The following NDUFAF6 variants were observed in gnomAD, a reference collection of about 807,000 sequenced individuals.
The protein encoded by NDUFAF6 is NADH:ubiquinone oxidoreductase complex assembly factor 6, also known as NADH dehydrogenase (ubiquinone) complex I, assembly factor 6.
NDUFAF6 carries 45 observed loss-of-function variants against 40.8 expected under a neutral mutation model. The observed-to-expected ratio is 1.10, with a 90% CI of 0.87 to 1.42. NDUFAF6 has a LOEUF of 1.42. NDUFAF6 is among the 40% of genes most tolerant of loss of function. The pLI is 0.00. For missense variants in NDUFAF6, 435 were observed against 418.5 expected, an observed-to-expected ratio of 1.04 and a Z score of -0.34; for synonymous variants, 185 against 155.9, an observed-to-expected ratio of 1.19 and a Z score of -1.39.
chr8:95,020,633 C>G (rs1338124964), upstream of NDUFAF6, among the ~76,000 whole-genome samples: 2 of 152,216 alleles, frequency 1.3e-5, no homozygotes, highest in Non-Finnish European at 2.9e-5. Context: ...CACTGCATAA[C>G]CTGGTGTCTT....
At chr8:94,971,159 A>T (rs931574514) in intron 1 of NDUFAF6, among the ~76,000 whole-genome samples, 3 of 152,356 alleles carry the variant, frequency 2.0e-5, no homozygotes, top group African/African-American at 7.2e-5. Flanking sequence ...AAATGAACAC[A>T]CCTGCAAGGT....
chr8:95,043,046 A>G (rs373175126), intron 4 of NDUFAF6, among the ~76,000 whole-genome samples: 7 of 151,838 alleles, frequency 4.6e-5, no homozygotes, highest in East Asian at 1.9e-4. Context: ...GGGAAAGCAT[A>G]GGTGTAAATC....
intron 3 of NDUFAF6, 45 bp downstream of exon 3, chr8:95,035,621 C>G (rs750232311): frequency 2.6e-6 from 4 of 1,568,162 alleles, no homozygotes; most frequent in African/African-American, 2.7e-5. Context: ...GAATATTATT[C>G]GAGTCTACTT....
At chr8:95,007,037 C>T (rs911096379) in intron 2 of NDUFAF6, among the ~76,000 whole-genome samples, 3 of 150,196 alleles carry the variant, frequency 2.0e-5, no homozygotes, top group African/African-American at 4.9e-5. Context: ...TGCAAACATA[C>T]AACTTATTCT....
chr8:94,897,903 G>A (rs1817755388), intron 1 of NDUFAF6, among the ~76,000 whole-genome samples: 1 of 152,004 alleles, frequency 6.6e-6, no homozygotes, highest in South Asian at 2.1e-4. Context: ...GTAGGACTTG[G>A]GTAAATGCTG....
Position 94,993,487 on chromosome 8 carries a change from A to G in NDUFAF6, c.-84+12514A>G, listed in dbSNP as rs549987701. On this transcript the variant is annotated intron_variant, in intron 2 of 9. Transcript: ENST00000396111. ...GAATGTGGCAGAAGTGATGTTGACC[A>G]ACCTCCAAGTCTAGACTTGCAGTTT... 4.6e-5 allele frequency among the ~76,000 whole-genome samples: 7 copies of G among 152,362 alleles called. No individual in the cohort carries two copies. The South Asian group carries it at 1.4e-3, about 32-fold the overall frequency.
At chr8:95,008,155 C>G (rs1827081902) in intron 2 of NDUFAF6, among the ~76,000 whole-genome samples, 1 of 152,190 alleles carries the variant, frequency 6.6e-6, no homozygotes. Flanking sequence ...GCTTTCAGCT[C>G]TGTGCTCATT....
chr8:94,985,467 T>TTTTATATATATATATATA (rs1158887739), intron 2 of NDUFAF6, among the ~76,000 whole-genome samples: 1 of 28,598 alleles, frequency 3.5e-5, no homozygotes, highest in Non-Finnish European at 5.8e-5. Flanking sequence ...AAAACAATAA[T>TTTTATATATATATATATA]TATATATATA....
intron 2 of NDUFAF6, among the ~76,000 whole-genome samples, chr8:95,089,086 G>A (rs1809159772): frequency 6.7e-6 from 1 of 150,022 alleles, no homozygotes; most frequent in African/African-American, 2.5e-5. Context: ...TTTGAGACAA[G>A]GTCTGGCTCT....
Position 95,046,363 on chromosome 8 carries a change from A to T in NDUFAF6, c.581-631A>T, listed in dbSNP as rs2131894404. ...CCTGGCCTAAAACTGCATTTATAAAAGTTTTTGAGATTTTTCTTTCTCTGC... is the reference window on the plus strand; with the variant it reads ...CCTGGCCTAAAACTGCATTTATAAATGTTTTTGAGATTTTTCTTTCTCTGC... On this transcript the variant is annotated intron_variant, in intron 5 of 8. Transcript: ENST00000396124. 2.6e-5 allele frequency among the ~76,000 whole-genome samples: 4 copies of T among 152,338 alleles called. 1 individual carries two copies. The Middle Eastern group carries it at 0.014, about 518-fold the overall frequency.
At chr8:95,078,662 A>AATATATATATATATATATAT (rs57127319), downstream of NDUFAF6, 7 of 121,036 alleles carry the variant, frequency 5.8e-5, no homozygotes, top group African/African-American at 2.3e-4. Flanking sequence ...AAAAAAAAAA[A>AATATATATATATATATATAT]ATATATATAT....
chr8:94,908,817 A>C (rs2131209151), intron 1 of NDUFAF6, among the ~76,000 whole-genome samples: 1 of 152,282 alleles, frequency 6.6e-6, no homozygotes, highest in South Asian at 2.1e-4. Flanking sequence ...GGCTTCTCTA[A>C]GATTATTTAG....
At chr8:95,069,828 A>C (rs867030453) in intron 9 of NDUFAF6, among the ~76,000 whole-genome samples, 1 of 144,804 alleles carries the variant, frequency 6.9e-6, no homozygotes, top group Admixed American at 6.9e-5. Context: ...TATATATATA[A>C]TATATATGTA....
rs560243831 is a variant in NDUFAF6, at chr8:94,898,573, T to C, written c.-936+2646T>C. Among the ~76,000 whole-genome samples the C allele has an allele frequency of 1.7e-4, 26 of 152,352 alleles. No homozygotes were observed. In the South Asian group the frequency reaches 5.4e-3, roughly 32 times the overall value. ...GATTTATTACTGTTGATGTTGATCTTGACCGCTTGGCTGAGGTAATGTTTG... is the reference window on the plus strand; with the variant it reads ...GATTTATTACTGTTGATGTTGATCTCGACCGCTTGGCTGAGGTAATGTTTG... On this transcript the variant is annotated intron_variant, in intron 1 of 14. Transcript: ENST00000396113.
intron 1 of NDUFAF6, among the ~76,000 whole-genome samples, chr8:94,900,677 T>G (rs931666852): frequency 6.6e-6 from 1 of 152,128 alleles, no homozygotes; most frequent in Admixed American, 6.5e-5. Flanking sequence ...TGCTCTCCAC[T>G]GAGGAGGATA....
intron 1 of NDUFAF6, among the ~76,000 whole-genome samples, chr8:95,027,712 A>T (rs150963289): frequency 2.0e-3 from 307 of 152,344 alleles, no homozygotes; most frequent in African/African-American, 6.8e-3. Flanking sequence ...GACACATGAC[A>T]AATATAAGTT....
chr8:95,108,250 T>C (rs1809899466), downstream of NDUFAF6, among the ~76,000 whole-genome samples: 1 of 152,186 alleles, frequency 6.6e-6, no homozygotes, highest in Non-Finnish European at 1.5e-5. Context: ...GGGACTCAAA[T>C]ATTTTACACC....
chr8:94,899,011 T>C (rs1371222919), intron 1 of NDUFAF6, among the ~76,000 whole-genome samples: 3 of 152,260 alleles, frequency 2.0e-5, no homozygotes, highest in Non-Finnish European at 4.4e-5. Flanking sequence ...TCTTCCCATT[T>C]AATGAAACTT....
At chr8:94,921,251 C>T (rs1026756049) in intron 1 of NDUFAF6, among the ~76,000 whole-genome samples, 3 of 152,204 alleles carry the variant, frequency 2.0e-5, no homozygotes, top group African/African-American at 2.4e-5. Flanking sequence ...AAGATAGTTG[C>T]CATAGTTCTC....
Sources: gnomAD v4.1 joint callset for allele counts (sites outside exome capture counted in the v4.1 genomes callset) on GRCh38, gnomAD v4.1.1 for gene constraint, MANE v1.5 for transcripts, NCBI Gene and HGNC (gene_info 2026-07-23, HGNC 2026-07-21) for gene names.